ADAM2: variants seen among roughly 807,000 people sequenced by gnomAD.
ADAM2 encodes the protein disintegrin and metalloproteinase domain-containing protein 2.
In ADAM2, 101 loss-of-function variants were observed where a neutral mutation model predicts 99.3. The ratio of observed to expected loss-of-function variants is 1.02; its 90% CI spans 0.87 to 1.20. ADAM2 has a LOEUF of 1.20. Among genes scored for constraint, ADAM2 ranks in the 50% most tolerant of loss-of-function variants. The pLI is 0.00. For synonymous variants in ADAM2, 323 were observed against 287.6 expected (o/e 1.12, Z -1.25); for missense variants, 948 against 878.7 (o/e 1.08, Z -1.00).
At chr8:39,789,600 C>A (rs1469055251) in intron 7 of ADAM2, among the ~76,000 whole-genome samples, 1 of 151,720 alleles carries the variant, frequency 6.6e-6, no homozygotes. Flanking sequence ...ATTAGATTTA[C>A]AGATCAGTGA....
chr8:39,749,765 T>C (rs1238506947), intron 16 of ADAM2, 21 bp from the exon 17 acceptor site: 2 of 1,600,206 alleles, frequency 1.2e-6, no homozygotes, highest in Admixed American at 3.4e-5. Flanking sequence ...TGAGCAAAAA[T>C]AAGTTAATTG....
intron 11 of ADAM2, among the ~76,000 whole-genome samples, chr8:39,771,645 C>T (rs557504078): frequency 1.1e-4 from 16 of 152,078 alleles, no homozygotes; most frequent in African/African-American, 3.9e-4. Flanking sequence ...ACTCGAAGAC[C>T]TCGAATAAAT....
At chr8:39,789,393 A>T (rs867209933) in intron 7 of ADAM2, among the ~76,000 whole-genome samples, 24 of 151,952 alleles carry the variant, frequency 1.6e-4, no homozygotes, top group African/African-American at 5.5e-4. Flanking sequence ...TCTATAGCAC[A>T]TTTCACTACA....
At chr8:39,749,166 G>A (rs1372986887) in intron 18 of ADAM2, 146 bp downstream of exon 18, 4 of 683,736 alleles carry the variant, frequency 5.9e-6, no homozygotes, top group Non-Finnish European at 9.8e-6. Flanking sequence ...CTCTCTGGAA[G>A]TGGAAGTAAC....
chr8:39,824,870 A>C lies in ADAM2; in HGVS notation c.216T>G (p.Val72=). 1 of 1,559,646 alleles carries C rather than the reference A, an allele frequency of 6.4e-7. No homozygotes were observed. The highest frequency in any genetic ancestry group is 8.8e-7 in the Non-Finnish European group (1 of 1,137,528). Residue 72 remains valine (V), a synonymous_variant, in exon 4 of 21, where the codon GTT becomes GTG. Transcript: ENST00000265708. The part of the protein sequence containing the change: ...QKNFLPHNFR[V]YSYSGTGIMK... ...TAATTCCTGTGCCACTATAACTGTA[A>C]ACTCTAAAATTATGGGGTAAAAAGT...
intron 3 of ADAM2, among the ~76,000 whole-genome samples, chr8:39,831,782 T>C (rs1586167497): frequency 6.6e-6 from 1 of 152,128 alleles, no homozygotes; most frequent in East Asian, 1.9e-4. Flanking sequence ...TGTGAATGAG[T>C]ACATAGAAAT....
At chr8:39,820,077 C>A (rs1262664274) in intron 6 of ADAM2, among the ~76,000 whole-genome samples, 1 of 152,096 alleles carries the variant, frequency 6.6e-6, no homozygotes, top group Non-Finnish European at 1.5e-5. Context: ...CCACTGAATA[C>A]TTCTGATCAA....
chr8:39,755,306 T>A (rs751071698), intron 16 of ADAM2, among the ~76,000 whole-genome samples: 1 of 152,236 alleles, frequency 6.6e-6, no homozygotes, highest in Non-Finnish European at 1.5e-5. Flanking sequence ...TCTTTTAAAG[T>A]TTGTTTTTTC....
At position 39,788,683 on chromosome 8, in the gene ADAM2, C is replaced by G. The variant is rs950322277; in HGVS notation, c.628G>C (p.Gly210Arg). Residue 210 changes from glycine (G) to arginine (R), a missense_variant, in exon 8 of 21, where the codon GGA becomes CGA. Transcript: ENST00000265708. Reference sequence around the variant, plus strand: ...CAAAGACTTACAGCATTCGTCAATCCAATCAACTGGAAAACTTTTTGAGCG... The same window carrying G: ...CAAAGACTTACAGCATTCGTCAATCGAATCAACTGGAAAACTTTTTGAGCG... Reference protein sequence around the residue: ...VVAQKVFQLIGLTNAIFVSFN... With the variant: ...VVAQKVFQLIRLTNAIFVSFN... The G allele has an allele frequency of 6.3e-7, 1 of 1,580,724 alleles. No homozygotes were observed. Among genetic ancestry groups the G allele is most frequent in the African/African-American group, 1.4e-5 (1 of 73,472 alleles).
At chr8:39,793,545 G>A (rs531740214) in intron 7 of ADAM2, among the ~76,000 whole-genome samples, 87 of 152,170 alleles carry the variant, frequency 5.7e-4, no homozygotes, top group Admixed American at 5.0e-3. Flanking sequence ...GCAATGGTCA[G>A]GTAGGTTAAT....
intron 11 of ADAM2, among the ~76,000 whole-genome samples, chr8:39,776,475 A>T (rs765009347): frequency 2.6e-4 from 39 of 152,128 alleles, no homozygotes; most frequent in Non-Finnish European, 5.1e-4. Context: ...GGTTTCCTTA[A>T]ATCCCCTGGC....
chr8:39,811,002 G>T (rs1804670730), intron 6 of ADAM2, among the ~76,000 whole-genome samples: 1 of 151,960 alleles, frequency 6.6e-6, no homozygotes, highest in Non-Finnish European at 1.5e-5. Flanking sequence ...TCCAGGAGCT[G>T]GTTTTTTGAA....
chr8:39,751,810 T>G (rs1801958725), intron 16 of ADAM2, among the ~76,000 whole-genome samples: 3 of 152,016 alleles, frequency 2.0e-5, no homozygotes, highest in Admixed American at 2.0e-4. Context: ...GGAACTAAAA[T>G]GCTAAATGAA....
In ADAM2 at chr8:39,776,814, T is replaced by C. The variant is rs1251481692; in HGVS notation, c.1028+211A>G. ...GTAAACATATTGATAAATGTAGTGT[T>C]AGATCACATGTGAGAAAGCCAGTGT... On this transcript the variant is annotated intron_variant, in intron 11 of 20. Transcript: ENST00000265708. Among the ~76,000 whole-genome samples, 3 of 152,102 alleles carry C rather than the reference T, an allele frequency of 2.0e-5. No homozygotes were observed. In the East Asian group the frequency reaches 5.8e-4, roughly 29 times the overall value.
chr8:39,764,911 A>T (rs1802510642), intron 14 of ADAM2, among the ~76,000 whole-genome samples: 1 of 151,880 alleles, frequency 6.6e-6, no homozygotes, highest in African/African-American at 2.4e-5. Flanking sequence ...GCTACTCAGG[A>T]GGCTAGGAGG....
At chr8:39,825,065 C>T (rs1435775068) in intron 3 of ADAM2, among the ~76,000 whole-genome samples, 168 bp from the exon 4 acceptor site, 1 of 152,158 alleles carries the variant, frequency 6.6e-6, no homozygotes, top group Non-Finnish European at 1.5e-5. Flanking sequence ...ACATCTTACA[C>T]TTCACTCACT....
At chr8:39,812,218 G>T (rs895088478) in intron 6 of ADAM2, among the ~76,000 whole-genome samples, 24 of 152,006 alleles carry the variant, frequency 1.6e-4, no homozygotes, top group African/African-American at 5.8e-4. Context: ...CAACTTACCA[G>T]GGATGTGAAG....
At chr8:39,779,976 A>G (rs1296047596) in intron 10 of ADAM2, among the ~76,000 whole-genome samples, 1 of 152,182 alleles carries the variant, frequency 6.6e-6, no homozygotes, top group Non-Finnish European at 1.5e-5. Context: ...GTTCACGCCA[A>G]TTCAAAGAGT....
At chr8:39,817,935 T>C (rs797010487) in intron 6 of ADAM2, 3 of 151,916 alleles carry the variant, frequency 2.0e-5, no homozygotes, top group African/African-American at 7.2e-5. Context: ...ATAGACTTAA[T>C]GAGAAAAAAT....
Sources: allele counts gnomAD v4.1 joint callset (sites outside exome capture counted in the v4.1 genomes callset), GRCh38; gene constraint gnomAD v4.1.1; transcripts MANE v1.5; gene names NCBI Gene and HGNC (gene_info 2026-07-23, HGNC 2026-07-21).